Variants in AGBL4 observed in about 807,000 individuals in gnomAD.
AGBL4 encodes cytosolic carboxypeptidase 6.
A neutral mutation model predicts 66.4 loss-of-function variants in AGBL4; 58 were observed. That is an observed-to-expected ratio of 0.87 (90% CI 0.71 to 1.09). The LOEUF is 1.09. AGBL4 is among the 50% of genes least tolerant of loss of function. AGBL4 has a pLI of 0.00. For missense variants in AGBL4, 579 were observed against 631.0 expected (o/e 0.92, Z 0.88); for synonymous variants, 234 against 222.9 (o/e 1.05, Z -0.44).
chr1:49,122,837 A>G (rs1421554335), intron 4 of AGBL4, among the ~76,000 whole-genome samples: 1 of 152,076 alleles, frequency 6.6e-6, no homozygotes, highest in Non-Finnish European at 1.5e-5. Flanking sequence ...AATATCTGTT[A>G]GCTACTATAT....
At chr1:48,894,646 A>G (rs2148860951) in intron 5 of AGBL4, among the ~76,000 whole-genome samples, 1 of 152,180 alleles carries the variant, frequency 6.6e-6, no homozygotes, top group South Asian at 2.1e-4. Flanking sequence ...TTGATTATAC[A>G]TGTAACTTAG....
intron 3 of AGBL4, among the ~76,000 whole-genome samples, chr1:49,471,630 C>T (rs1176108897): frequency 1.3e-5 from 2 of 151,806 alleles, no homozygotes; most frequent in African/African-American, 4.8e-5. Flanking sequence ...GAAGCCAAAA[C>T]TCCTGAAATG....
Position 48,533,861 on chromosome 1 carries a change from C to A in AGBL4, c.*312G>T. On this transcript the variant is annotated 3_prime_UTR_variant, in exon 14 of 14. Coordinates refer to ENST00000371839, the MANE Select transcript of AGBL4 (RefSeq NM_032785.4). Reference sequence around the variant, plus strand: ...TTGAAAGAACTGACCTGATATGTGTCAAATCTCTTAAAAGGGATGTGTAGG... The same window carrying A: ...TTGAAAGAACTGACCTGATATGTGTAAAATCTCTTAAAAGGGATGTGTAGG... The A allele has an allele frequency of 2.6e-6, 1 of 378,548 alleles. No individual in the cohort carries two copies. 23.4% of individuals were successfully genotyped at this position (378,548 alleles called of 1,614,324 possible). A position where few individuals can be genotyped will look rare whatever the true frequency, so the allele number is the denominator to read the frequency against.
chr1:49,421,231 G>C (rs575637818), intron 3 of AGBL4, among the ~76,000 whole-genome samples: 82 of 152,152 alleles, frequency 5.4e-4, no homozygotes, highest in Non-Finnish European at 9.3e-4. Context: ...ACCATTCATT[G>C]TTGGCCATTC....
At position 48,587,704 on chromosome 1, in the gene AGBL4, G is replaced by A. The variant is rs182271640; in HGVS notation, c.1105-538C>T. On this transcript the variant is annotated intron_variant, in intron 10 of 13. Transcript: ENST00000371839. ...GTCACCCAGGCTGGAGTACAGTGGC[G>A]CGATCTTGGCTCACTGCAAGCTCCG... Among the ~76,000 whole-genome samples the A allele has an allele frequency of 8.4e-3, 1,264 of 150,878 alleles. 68 individuals are homozygous for A. The highest frequency in any genetic ancestry group is 0.074 in the Admixed American group (1,126 of 15,148).
intron 9 of AGBL4, among the ~76,000 whole-genome samples, chr1:48,617,048 AG>A (rs755094275): frequency 2.0e-5 from 3 of 152,112 alleles, no homozygotes; most frequent in Non-Finnish European, 4.4e-5. Flanking sequence ...ATGGGGAGAG[AG>A]AAGAAAGAAA....
At chr1:49,508,952 A>C (rs1648944613) in intron 3 of AGBL4, among the ~76,000 whole-genome samples, 1 of 151,906 alleles carries the variant, frequency 6.6e-6, no homozygotes, top group South Asian at 2.1e-4. Context: ...ACAGAGAAGA[A>C]AAACATGATC....
chr1:49,225,012 G>A (rs530244609), intron 4 of AGBL4, among the ~76,000 whole-genome samples: 4 of 152,246 alleles, frequency 2.6e-5, no homozygotes, highest in Non-Finnish European at 4.4e-5. Context: ...AGCAGATAGT[G>A]GGAAAGTTAT....
At chr1:48,831,878 AG>A (rs1382922854) in intron 6 of AGBL4, among the ~76,000 whole-genome samples, 1 of 152,240 alleles carries the variant, frequency 6.6e-6, no homozygotes, top group Non-Finnish European at 1.5e-5. Flanking sequence ...GACAGTAATC[AG>A]ACCTGGCAAT....
At chr1:49,026,118 TG>T (rs1273784264) in intron 5 of AGBL4, among the ~76,000 whole-genome samples, 1 of 152,144 alleles carries the variant, frequency 6.6e-6, no homozygotes, top group Non-Finnish European at 1.5e-5. Context: ...ATGAGATTCT[TG>T]GAAAAACTCA....
chr1:48,549,935 G>T (rs984989908), intron 11 of AGBL4, among the ~76,000 whole-genome samples: 5 of 152,150 alleles, frequency 3.3e-5, no homozygotes, highest in Non-Finnish European at 7.4e-5. Context: ...ATAGAGACAG[G>T]AACAGTGAGA....
chr1:48,769,889 G>A (rs1439359996), intron 6 of AGBL4, among the ~76,000 whole-genome samples: 1 of 152,154 alleles, frequency 6.6e-6, no homozygotes, highest in Non-Finnish European at 1.5e-5. Flanking sequence ...TTTTAACCCA[G>A]ACTATGTAAC....
intron 2 of AGBL4, among the ~76,000 whole-genome samples, chr1:49,806,341 G>A (rs1387051910): frequency 1.3e-5 from 2 of 152,168 alleles, no homozygotes; most frequent in African/African-American, 4.8e-5. Flanking sequence ...GCTTAATTGT[G>A]TCTGTGTCCT....
intron 4 of AGBL4, among the ~76,000 whole-genome samples, chr1:49,139,720 T>G (rs961733987): frequency 1.3e-5 from 2 of 152,160 alleles, no homozygotes; most frequent in African/African-American, 4.8e-5. Flanking sequence ...GTTCGTCCTA[T>G]CCCATAGGAT....
intron 1 of AGBL4, among the ~76,000 whole-genome samples, chr1:50,013,164 A>G (rs1404633964): frequency 6.6e-6 from 1 of 152,232 alleles, no homozygotes; most frequent in Non-Finnish European, 1.5e-5. Flanking sequence ...TCAGTACAAC[A>G]CAACACGAAA....
At chr1:48,644,788 G>A (rs2148429335) in intron 8 of AGBL4, among the ~76,000 whole-genome samples, 1 of 152,262 alleles carries the variant, frequency 6.6e-6, no homozygotes, top group Admixed American at 6.5e-5. Flanking sequence ...AAGAGCTTTC[G>A]TTCTTTCTGA....
chr1:49,517,694 GTTTATC>G (rs1268398891), intron 3 of AGBL4, among the ~76,000 whole-genome samples: 37 of 151,984 alleles, frequency 2.4e-4, no homozygotes, highest in Admixed American at 2.4e-3. Flanking sequence ...TCCACATAGA[GTTTATC>G]TTTAAGTACA....
At chr1:48,798,579 T>C (rs1645742129) in intron 6 of AGBL4, among the ~76,000 whole-genome samples, 1 of 152,218 alleles carries the variant, frequency 6.6e-6, no homozygotes, top group Admixed American at 6.5e-5. Flanking sequence ...TCATGAACTC[T>C]TTGCCTAAGC....
chr1:49,161,743 T>C (rs1646545990), intron 4 of AGBL4, among the ~76,000 whole-genome samples: 1 of 152,142 alleles, frequency 6.6e-6, no homozygotes, highest in Non-Finnish European at 1.5e-5. Context: ...CAATTTTCCC[T>C]TTTGGTTCTT....
Sources: allele counts gnomAD v4.1 joint callset (sites outside exome capture counted in the v4.1 genomes callset), GRCh38; gene constraint gnomAD v4.1.1; transcripts MANE v1.5; gene names NCBI Gene and HGNC (gene_info 2026-07-23, HGNC 2026-07-21).